Variants in CDH2 observed in about 807,000 individuals in gnomAD.
The protein encoded by CDH2 is cadherin 2.
In CDH2, 17 loss-of-function variants were observed where a neutral mutation model predicts 92.0. The observed-to-expected ratio is 0.18, with a 90% CI of 0.13 to 0.28. The LOEUF (loss-of-function observed/expected upper bound fraction) is 0.28. Ranked by LOEUF, CDH2 falls within the 10% of genes least tolerant of loss-of-function variation. The pLI is 1.00. For synonymous variants in CDH2, 419 were observed against 415.9 expected (o/e 1.01, Z -0.09); for missense variants, 862 against 1,133.1 (o/e 0.76, Z 3.44).
chr18:28,127,702 G>A (rs2015701187), intron 2 of CDH2, among the ~76,000 whole-genome samples: 1 of 152,038 alleles, frequency 6.6e-6, no homozygotes, highest in African/African-American at 2.4e-5. Context: ...ATTACAGCTA[G>A]AGGTAGGGGT....
At chr18:28,004,787 TCA>T (rs2012867816) in intron 6 of CDH2, among the ~76,000 whole-genome samples, 1 of 152,072 alleles carries the variant, frequency 6.6e-6, no homozygotes, top group Non-Finnish European at 1.5e-5. Flanking sequence ...TTAGAAGGAG[TCA>T]CAGATGGCTG....
chr18:28,175,951 G>A lies in CDH2; in HGVS notation c.60+1012C>T, dbSNP rs540220902. Among the ~76,000 whole-genome samples, 237 of 152,322 alleles carry A rather than the reference G, an allele frequency of 1.6e-3. 2 individuals are homozygous for A. Among genetic ancestry groups the A allele is most frequent in the South Asian group, 0.011 (52 of 4,826 alleles). ...AGGGTCCCGGCCGAGGCTGTGTGAA[G>A]TGGCCTCCAGGCCTGGGCTGGCTGG... On this transcript the variant is annotated intron_variant, in intron 1 of 15. Transcript: ENST00000269141.
chr18:28,065,768 T>C (rs1459959117), intron 2 of CDH2, among the ~76,000 whole-genome samples: 1 of 152,202 alleles, frequency 6.6e-6, no homozygotes, highest in African/African-American at 2.4e-5. Context: ...CAGGAGAACA[T>C]AACCAATGAT....
Position 28,177,078 on chromosome 18 carries a change from C to CGGT in CDH2, c.-57_-56insACC. 1.5e-6 allele frequency: 2 copies of CGGT among 1,300,552 alleles called. No individual in the cohort carries two copies. Among genetic ancestry groups the CGGT allele is most frequent in the African/African-American group, 3.2e-5 (2 of 63,012 alleles). The allele number at this position is 1,300,552 out of a possible 1,614,324, so 80.6% of individuals were successfully genotyped here. ...GAGGAGGCGGCGGCGGCGGCGGCGG[C>CGGT]GGCGGAGGAGGAGGAGGCAGCGGCA... On this transcript the variant is annotated 5_prime_UTR_variant, in exon 1 of 16. Transcript: ENST00000269141.
At chr18:28,041,545 T>A (rs906211653) in intron 2 of CDH2, among the ~76,000 whole-genome samples, 1 of 152,132 alleles carries the variant, frequency 6.6e-6, no homozygotes, top group African/African-American at 2.4e-5. Context: ...CGGATAAGTG[T>A]CCATGACAAC....
At chr18:28,014,864 A>C (rs2144040941) in intron 2 of CDH2, among the ~76,000 whole-genome samples, 1 of 152,294 alleles carries the variant, frequency 6.6e-6, no homozygotes, top group Non-Finnish European at 1.5e-5. Context: ...AAACAAAAAT[A>C]TTCTCTAAGG....
At chr18:28,039,429 A>G (rs922122888) in intron 2 of CDH2, among the ~76,000 whole-genome samples, 4 of 152,168 alleles carry the variant, frequency 2.6e-5, no homozygotes, top group Admixed American at 1.3e-4. Context: ...ATACAGGATC[A>G]TATCTGATCC....
chr18:27,989,021 A>T (rs1339843561), intron 10 of CDH2, among the ~76,000 whole-genome samples: 1 of 152,248 alleles, frequency 6.6e-6, no homozygotes, highest in Non-Finnish European at 1.5e-5. Flanking sequence ...TTTCTAGATA[A>T]GCAGTAGTCT....
rs1259562871 is a variant in CDH2 at position 28,147,790 on chromosome 18, AC to A, written c.61-7del. ...CCAGAAGCCTCTACAGACGCCTGCAACACAAGAAAAAAAAAAAAAATGTGTG... is the reference window on the plus strand; with the variant it reads ...CCAGAAGCCTCTACAGACGCCTGCAAACAAGAAAAAAAAAAAAAATGTGTG... On this transcript the variant is annotated splice_region_variant and splice_polypyrimidine_tract_variant and intron_variant, in intron 1 of 15. Transcript: ENST00000269141. The A allele has an allele frequency of 1.3e-6, 2 of 1,533,020 alleles. No homozygotes were observed. Among genetic ancestry groups the A allele is most frequent in the Admixed American group, 1.9e-5 (1 of 53,024 alleles). 95.0% of individuals were successfully genotyped at this position (1,533,020 alleles called of 1,614,324 possible). A position where few individuals can be genotyped will look rare whatever the true frequency, so the allele number is the denominator to read the frequency against.
In CDH2 at chr18:27,983,009, G is replaced by A. The variant is rs753519915; in HGVS notation, c.2284C>T (p.Pro762Ser). Residue 762 changes from proline (P) to serine (S), a missense_variant, in exon 14 of 16, where the codon CCA (proline) becomes TCA (serine). Physicochemically the swap from Pro to Ser is moderately conservative, Grantham distance 74. Around this residue, in one of 5 missense-constraint regions of CDH2, gnomAD observed 564 missense variants for 722.2 expected, o/e 0.78. Transcript: ENST00000269141. ...ATATTATCTCTTACATCATCTTCTG[G>A]ATCAATTAAAAGTTGTTTGGCCTGG... is the stretch of plus-strand genomic sequence containing the variant. ...ERQAKQLLID[P>S]EDDVRDNILK... is the part of the protein sequence containing the mutation. 6.2e-7 allele frequency: 1 copy of A among 1,609,900 alleles called. No individual in the cohort carries two copies. Among genetic ancestry groups the A allele is most frequent in the Non-Finnish European group, 8.5e-7 (1 of 1,176,770 alleles).
At chr18:28,044,983 GAGCAAT>G (rs766147584) in intron 2 of CDH2, among the ~76,000 whole-genome samples, 1 of 151,874 alleles carries the variant, frequency 6.6e-6, no homozygotes, top group Non-Finnish European at 1.5e-5. Context: ...TTGCTATTCA[GAGCAAT>G]AGATCTAAGT....
chr18:28,147,428 T>C (rs577367935), intron 2 of CDH2, among the ~76,000 whole-genome samples: 1 of 152,180 alleles, frequency 6.6e-6, no homozygotes, highest in East Asian at 1.9e-4. Flanking sequence ...TACATAACGG[T>C]TTCTCTGTAA....
chr18:28,041,058 A>G (rs893736290), intron 2 of CDH2, among the ~76,000 whole-genome samples: 2 of 152,218 alleles, frequency 1.3e-5, no homozygotes, highest in African/African-American at 4.8e-5. Flanking sequence ...TGGTTCTTCA[A>G]AAAATCACAC....
intron 2 of CDH2, among the ~76,000 whole-genome samples, chr18:28,118,689 A>G (rs926268767): frequency 1.3e-5 from 2 of 152,040 alleles, no homozygotes; most frequent in Non-Finnish European, 2.9e-5. Context: ...TAAAAACAAA[A>G]TAGTGCACCT....
chr18:28,107,688 G>A, intron 2 of CDH2, among the ~76,000 whole-genome samples: 1 of 152,118 alleles, frequency 6.6e-6, no homozygotes, highest in Middle Eastern at 3.4e-3. Context: ...AGCATACCAG[G>A]AAAGAGTGCA....
intron 2 of CDH2, among the ~76,000 whole-genome samples, chr18:28,050,223 C>T (rs2014163669): frequency 1.3e-5 from 2 of 152,142 alleles, no homozygotes; most frequent in African/African-American, 4.8e-5. Context: ...ACAATATCAA[C>T]AACACATCAT....
At chr18:28,036,278 A>G (rs1443693962) in intron 2 of CDH2, among the ~76,000 whole-genome samples, 1 of 152,126 alleles carries the variant, frequency 6.6e-6, no homozygotes, top group Non-Finnish European at 1.5e-5. Flanking sequence ...CCACCCCCAT[A>G]AAATACATTT....
intron 14 of CDH2, 123 bp from the exon 15 acceptor site, chr18:27,963,644 G>A: frequency 1.3e-6 from 1 of 750,470 alleles, no homozygotes; most frequent in Non-Finnish European, 2.1e-6. Context: ...TAATGGAAAA[G>A]TTGCCACTAT....
Position 28,054,429 on chromosome 18 carries a change from T to G in CDH2, c.173-40520A>C, listed in dbSNP as rs1342487480. On this transcript the variant is annotated intron_variant, in intron 2 of 15. Transcript: ENST00000269141. ...TGTTTGGAACACAGAGGCTAAAAGA[T>G]TAAACAAATCAAAAACTGCCTCCTT... Among the ~76,000 whole-genome samples, 3 of 152,134 alleles carry G rather than the reference T, an allele frequency of 2.0e-5. No individual in the cohort carries two copies. The East Asian group carries it at 5.8e-4, about 29-fold the overall frequency.
Sources: allele counts gnomAD v4.1 joint callset (sites outside exome capture counted in the v4.1 genomes callset), GRCh38; gene constraint gnomAD v4.1.1; regional missense constraint gnomAD v4.1.1; transcripts MANE v1.5; gene names NCBI Gene and HGNC (gene_info 2026-07-23, HGNC 2026-07-21).